The following OPCML variants were observed in gnomAD, a reference collection of about 807,000 sequenced individuals.
OPCML encodes opioid binding protein/cell adhesion molecule like.
A neutral mutation model predicts 37.8 loss-of-function variants in OPCML; 13 were observed. The observed-to-expected ratio is 0.34, with a 90% confidence interval of 0.22 to 0.55. The LOEUF (loss-of-function observed/expected upper bound fraction) is 0.55. Among genes scored for constraint, OPCML ranks in the 20% least tolerant of loss-of-function variants. OPCML has a pLI of 0.91. For synonymous variants in OPCML, 176 were observed against 168.8 expected (o/e 1.04, Z -0.33); for missense variants, 341 against 435.6 (o/e 0.78, Z 1.93).
chr11:133,204,065 A>C (rs1938927013), intron 1 of OPCML, among the ~76,000 whole-genome samples: 1 of 102,976 alleles, frequency 9.7e-6, no homozygotes, highest in Non-Finnish European at 2.1e-5. Context: ...TCTCAAAAAA[A>C]AAAAAAAAAA....
At chr11:133,437,957 A>G (rs888726082) in intron 1 of OPCML, among the ~76,000 whole-genome samples, 1 of 152,180 alleles carries the variant, frequency 6.6e-6, no homozygotes, top group Non-Finnish European at 1.5e-5. Context: ...TTTGCCATCC[A>G]TAAATACTTC....
At chr11:133,090,535 G>T (rs557575547) in intron 1 of OPCML, among the ~76,000 whole-genome samples, 1 of 152,284 alleles carries the variant, frequency 6.6e-6, no homozygotes, top group Non-Finnish European at 1.5e-5. Flanking sequence ...GAGAAATAAT[G>T]TATTAGAAAC....
chr11:133,405,734 A>G (rs866272957), intron 1 of OPCML, among the ~76,000 whole-genome samples: 7 of 151,794 alleles, frequency 4.6e-5, no homozygotes, highest in Middle Eastern at 6.8e-3. Context: ...CTTCTACAAA[A>G]AATCTTCTGA....
At chr11:133,057,964 T>C (rs1948270469) in intron 1 of OPCML, among the ~76,000 whole-genome samples, 1 of 152,200 alleles carries the variant, frequency 6.6e-6, no homozygotes, top group South Asian at 2.1e-4. Context: ...ATATACTTTA[T>C]TTTTACTAGT....
Position 133,532,379 on chromosome 11 carries a change from A to T in OPCML, c.-55T>A, listed in dbSNP as rs1456037574. On this transcript the variant is annotated 5_prime_UTR_variant, in exon 1 of 8. Coordinates refer to ENST00000524381, the MANE Select transcript of OPCML (RefSeq NM_001012393.5). ...GCTTGCTACTGCTTCTGCTGCTGCT[A>T]CCGCTGCTGCCTTCCTCTGTGCTGA... The T allele has an allele frequency of 6.4e-7, 1 of 1,573,088 alleles. No homozygotes were observed. The highest frequency in any genetic ancestry group is 8.7e-7 in the Non-Finnish European group (1 of 1,149,938).
intron 1 of OPCML, among the ~76,000 whole-genome samples, chr11:133,022,773 G>A (rs771262928): frequency 3.3e-5 from 5 of 152,216 alleles, no homozygotes; most frequent in African/African-American, 9.6e-5. Flanking sequence ...TCACACAATC[G>A]ATAAGTGGCA....
intron 1 of OPCML, among the ~76,000 whole-genome samples, chr11:133,382,155 G>C (rs763763285): frequency 7.2e-5 from 11 of 152,204 alleles, no homozygotes; most frequent in Non-Finnish European, 1.5e-4. Flanking sequence ...TTGACTTACT[G>C]TTTTGGTCTT....
At chr11:133,025,881 G>C (rs768648218) in intron 1 of OPCML, 1 of 160,302 alleles carries the variant, frequency 6.2e-6, no homozygotes, top group South Asian at 2.0e-4. Context: ...CTACAGGTGT[G>C]TGCCACCAAG....
intron 4 of OPCML, among the ~76,000 whole-genome samples, chr11:132,507,553 C>T (rs930616662): frequency 4.0e-5 from 6 of 151,524 alleles, no homozygotes; most frequent in African/African-American, 7.3e-5. Flanking sequence ...TATACATTTC[C>T]GAAATTAATT....
At chr11:132,567,232 T>G (rs2096425698) in intron 3 of OPCML, among the ~76,000 whole-genome samples, 1 of 152,152 alleles carries the variant, frequency 6.6e-6, no homozygotes, top group African/African-American at 2.4e-5. Context: ...GTTCTCATGG[T>G]GAAAAATTAA....
At chr11:133,350,771 C>G (rs945978660) in intron 1 of OPCML, among the ~76,000 whole-genome samples, 1 of 152,160 alleles carries the variant, frequency 6.6e-6, no homozygotes, top group African/African-American at 2.4e-5. Flanking sequence ...TGAGTACCTC[C>G]TATGTACTAG....
chr11:133,146,004 T>A (rs1949892027), intron 1 of OPCML, among the ~76,000 whole-genome samples: 1 of 152,218 alleles, frequency 6.6e-6, no homozygotes, highest in African/African-American at 2.4e-5. Flanking sequence ...CCTGTGATAA[T>A]GTCTTATTAT....
chr11:133,465,141 A>C (rs948345056), intron 1 of OPCML, among the ~76,000 whole-genome samples: 6 of 152,120 alleles, frequency 3.9e-5, no homozygotes, highest in African/African-American at 1.4e-4. Flanking sequence ...ATTCCTTCTG[A>C]AGGCTTCAAG....
chr11:132,972,346 G>A (rs186247837), intron 1 of OPCML, among the ~76,000 whole-genome samples: 10 of 151,870 alleles, frequency 6.6e-5, no homozygotes, highest in Middle Eastern at 3.4e-3. Flanking sequence ...AACAAGTTGC[G>A]GTGTATTCTG....
At chr11:132,844,116 G>A (rs1429895382) in intron 2 of OPCML, among the ~76,000 whole-genome samples, 1 of 152,216 alleles carries the variant, frequency 6.6e-6, no homozygotes, top group East Asian at 1.9e-4. Flanking sequence ...CATGATTCAT[G>A]TAAGACGTGA....
At chr11:133,357,950 T>A (rs1450072833) in intron 1 of OPCML, among the ~76,000 whole-genome samples, 1 of 152,160 alleles carries the variant, frequency 6.6e-6, no homozygotes, top group Non-Finnish European at 1.5e-5. Context: ...GGAAGTCATC[T>A]GCACCCATGA....
chr11:133,096,710 A>G (rs1949009132), intron 1 of OPCML, among the ~76,000 whole-genome samples: 1 of 152,146 alleles, frequency 6.6e-6, no homozygotes. Flanking sequence ...AACACTATTT[A>G]GAGGTAGTAG....
At chr11:132,804,095 A>T (rs1341292674) in intron 2 of OPCML, among the ~76,000 whole-genome samples, 1 of 152,186 alleles carries the variant, frequency 6.6e-6, no homozygotes, top group Non-Finnish European at 1.5e-5. Context: ...GTCAGTAAAG[A>T]GCAGGCAACA....
At chr11:132,571,639 A>G (rs1264898170) in intron 3 of OPCML, among the ~76,000 whole-genome samples, 1 of 152,196 alleles carries the variant, frequency 6.6e-6, no homozygotes, top group African/African-American at 2.4e-5. Flanking sequence ...TCTATCATAC[A>G]CATACACCAC....
Sources: gnomAD v4.1 joint callset for allele counts (sites outside exome capture counted in the v4.1 genomes callset) on GRCh38, gnomAD v4.1.1 for gene constraint, MANE v1.5 for transcripts, NCBI Gene and HGNC (gene_info 2026-07-23, HGNC 2026-07-21) for gene names.